IL12B: variants seen among roughly 807,000 people sequenced by gnomAD.
IL12B encodes the protein interleukin-12 subunit beta.
A neutral mutation model predicts 39.2 loss-of-function variants in IL12B; 27 were observed. The observed-to-expected ratio is 0.69, with a 90% CI of 0.51 to 0.95. The LOEUF (loss-of-function observed/expected upper bound fraction) is 0.95. Among genes scored for constraint, IL12B ranks in the 40% least tolerant of loss-of-function variants. IL12B has a pLI of 0.00. For missense variants in IL12B, 351 were observed against 397.6 expected (o/e 0.88, Z 1.00); for synonymous variants, 142 against 152.1 (o/e 0.93, Z 0.49).
chr5:159,323,901 T>TGA, intron 2 of IL12B, among the ~76,000 whole-genome samples: 1 of 94,904 alleles, frequency 1.1e-5, no homozygotes, highest in East Asian at 3.6e-4. Flanking sequence ...GAGGATTAAA[T>TGA]GAAAAAAAAA....
At chr5:159,326,559 T>A (rs1754192994) in intron 2 of IL12B, 136 bp downstream of exon 2, 10 of 671,076 alleles carry the variant, frequency 1.5e-5, no homozygotes, top group Admixed American at 1.3e-4. Context: ...TGGCATTGCA[T>A]TTTCCCAGAG....
chr5:159,318,816 G>A lies in IL12B; in HGVS notation c.775C>T (p.Pro259Ser), dbSNP rs1754033130. 6.2e-7 allele frequency: 1 copy of A among 1,612,978 alleles called. No individual in the cohort carries two copies. Among genetic ancestry groups the A allele is most frequent in the African/African-American group, 1.3e-5 (1 of 75,012 alleles). ...GAATGTGGAGTACTCCAGGTGTCAG[G>A]GTACTCCCAGCTGACCTCCACCTGC... ...SRQVEVSWEY[P>S]DTWSTPHSYF... The change falls in exon 6 of 8, where the codon CCT (proline) becomes TCT (serine). Residue 259 changes from proline (P) to serine (S), a missense_variant. By Grantham distance (74) the Pro-to-Ser change is moderately conservative. Transcript: ENST00000231228.
chr5:159,318,084 T>C (rs893886805), intron 6 of IL12B: 1 of 154,568 alleles, frequency 6.5e-6, no homozygotes, highest in African/African-American at 2.4e-5. Context: ...AATGAGCACG[T>C]AGTGAGGGCA....
At chr5:159,322,592 A>G (rs1418761962) in intron 3 of IL12B, 81 bp from the exon 4 acceptor site, 4 of 902,456 alleles carry the variant, frequency 4.4e-6, no homozygotes, top group Admixed American at 1.7e-5. Flanking sequence ...ACAGATCACC[A>G]GATGGTACAG....
chr5:159,323,506 T>C (rs1562113786), intron 2 of IL12B, among the ~76,000 whole-genome samples, 177 bp from the exon 3 acceptor site: 1 of 152,194 alleles, frequency 6.6e-6, no homozygotes, highest in Non-Finnish European at 1.5e-5. Context: ...CTCAAGGTCA[T>C]GGAAAAGAGA....
intron 1 of IL12B, among the ~76,000 whole-genome samples, chr5:159,328,351 G>T (rs959012570): frequency 3.9e-5 from 6 of 152,190 alleles, no homozygotes; most frequent in Middle Eastern, 3.4e-3. Context: ...ACACAGGCTT[G>T]AATTTTGGTC....
At chr5:159,320,576 T>C (rs1754070535) in intron 4 of IL12B, 56 bp from the exon 5 acceptor site, 1 of 1,444,310 alleles carries the variant, frequency 6.9e-7, no homozygotes, top group Non-Finnish European at 9.7e-7. Context: ...GAGTTCCTAG[T>C]GATTGTAGCC....
chr5:159,323,294 G>C lies in IL12B; in HGVS notation c.124C>G (p.Pro42Ala), dbSNP rs1754132622. Residue 42 changes from proline to alanine, a missense_variant, in exon 3 of 8, where the codon CCT becomes GCT. Coordinates refer to ENST00000231228, the MANE Select transcript of IL12B (RefSeq NM_002187.3). ...VVELDWYPDA[P>A]GEMVVLTCDT... ...CAGGTGAGGACCACCATTTCTCCAG[G>C]GGCATCCGGATACCAATCCAATTCT... is the stretch of plus-strand genomic sequence containing the variant. The C allele has an allele frequency of 6.2e-7, 1 of 1,614,036 alleles. No homozygotes were observed. Among genetic ancestry groups the C allele is most frequent in the Non-Finnish European group, 8.5e-7 (1 of 1,179,972 alleles).
intron 4 of IL12B, among the ~76,000 whole-genome samples, chr5:159,321,362 T>C (rs918387430): frequency 1.5e-5 from 2 of 132,850 alleles, no homozygotes; most frequent in South Asian, 5.2e-4. Flanking sequence ...TATATATATA[T>C]ATATACACAC....
In IL12B at chr5:159,328,843, C is replaced by T. The variant is rs532646358; in HGVS notation, c.-1+1589G>A. ...CCGGCCATGGTTCTAAGAAGCAACT[C>T]CCATTTTAGTATCACCTACATTTGA... On this transcript the variant is annotated intron_variant, in intron 1 of 7. Coordinates refer to ENST00000231228, the MANE Select transcript of IL12B (RefSeq NM_002187.3). Among the ~76,000 whole-genome samples, 11 of 152,294 alleles carry T rather than the reference C, an allele frequency of 7.2e-5. No homozygotes were observed. The East Asian group carries it at 1.5e-3, about 21-fold the overall frequency.
Position 159,319,000 on chromosome 5 carries a change from A to G in IL12B, c.698-107T>C, listed in dbSNP as rs561010709. 614 of 953,944 alleles carry G rather than the reference A, an allele frequency of 6.4e-4. 7 individuals carry two copies. In the South Asian group the frequency reaches 8.1e-3, roughly 13 times the overall value. 59.1% of individuals were successfully genotyped at this position (953,944 alleles called of 1,614,324 possible). On this transcript the variant is annotated intron_variant, in intron 5 of 7. Transcript: ENST00000231228. ...CTTTGATCAGCTGTGAGTCCACTGG[A>G]TAGTTACTTAACTTCTGTGAGCACC... is the stretch of plus-strand genomic sequence containing the variant.
chr5:159,315,072 C>G lies in IL12B; in HGVS notation c.*1029G>C, dbSNP rs1753966008. 1 of 152,352 alleles carries G rather than the reference C, an allele frequency of 6.6e-6. No individual in the cohort carries two copies. The highest frequency in any genetic ancestry group is 1.5e-5 in the Non-Finnish European group (1 of 68,052). The allele number at this position is 152,352 out of a possible 1,614,324, so 9.4% of individuals were successfully genotyped here. ...CCTTAGCCATAACTACTTGTCCTCTCTCTTGAATCTTAAGATCTTTTTGCC... is the reference window on the plus strand; with the variant it reads ...CCTTAGCCATAACTACTTGTCCTCTGTCTTGAATCTTAAGATCTTTTTGCC... On this transcript the variant is annotated 3_prime_UTR_variant, in exon 8 of 8. Coordinates refer to ENST00000231228, the MANE Select transcript of IL12B (RefSeq NM_002187.3).
intron 6 of IL12B, among the ~76,000 whole-genome samples, chr5:159,317,686 T>A (rs577677850): frequency 6.6e-6 from 1 of 152,350 alleles, no homozygotes; most frequent in Admixed American, 6.5e-5. Flanking sequence ...TTAGCCTCTA[T>A]AAGTGTAGAC....
chr5:159,320,882 A>G (rs548174801), intron 4 of IL12B, among the ~76,000 whole-genome samples: 1 of 152,360 alleles, frequency 6.6e-6, no homozygotes, highest in East Asian at 1.9e-4. Flanking sequence ...AAAGATCCAT[A>G]TAAAGGAAAG....
Position 159,326,553 on chromosome 5 carries a change from A to T in IL12B, c.88+142T>A, listed in dbSNP as rs1237475177. 7 of 657,942 alleles carry T rather than the reference A, an allele frequency of 1.1e-5. No individual in the cohort carries two copies. The African/African-American group carries it at 1.1e-4, about 10-fold the overall frequency. The allele number at this position is 657,942 out of a possible 1,614,324, so 40.8% of individuals were successfully genotyped here. A position where few individuals can be genotyped will look rare whatever the true frequency, so the allele number is the denominator to read the frequency against. ...TCAAAGTAGAAAAGAGAGATATGGC[A>T]TTGCATTTTCCCAGAGTGATGGCTT... On this transcript the variant is annotated intron_variant, in intron 2 of 7. Coordinates refer to ENST00000231228, the MANE Select transcript of IL12B (RefSeq NM_002187.3).
chr5:159,329,653 C>A (rs1187185718), intron 1 of IL12B, among the ~76,000 whole-genome samples: 1 of 151,938 alleles, frequency 6.6e-6, no homozygotes, highest in Admixed American at 6.6e-5. Flanking sequence ...CATACAATTT[C>A]AGATTCCAGT....
chr5:159,323,352 A>T (rs1397834710), intron 2 of IL12B, 23 bp from the exon 3 acceptor site: 1 of 1,611,782 alleles, frequency 6.2e-7, no homozygotes, highest in Non-Finnish European at 8.5e-7. Context: ...TAAAGTGGAG[A>T]ACCAGGCTGT....
chr5:159,318,762 C>T lies in IL12B; in HGVS notation c.829G>A (p.Val277Ile), dbSNP rs372475701. Reference protein sequence around the residue: ...SYFSLTFCVQVQGKSKREKKD... With the variant: ...SYFSLTFCVQIQGKSKREKKD... ...TTTTCTCTCTTGCTCTTGCCCTGGA[C>T]CTGAACGCAGAATGTCAGGGAGAAG... is the stretch of plus-strand genomic sequence containing the variant. Residue 277 changes from valine to isoleucine, a missense_variant, in exon 6 of 8, where the codon GTC becomes ATC. Coordinates refer to ENST00000231228, the MANE Select transcript of IL12B (RefSeq NM_002187.3). 4.3e-6 allele frequency: 7 copies of T among 1,614,050 alleles called. No homozygotes were observed. The African/African-American group carries it at 8.0e-5, about 18-fold the overall frequency.
In IL12B at chr5:159,316,677, C is replaced by A; in HGVS notation, c.*8G>T. 1.2e-6 allele frequency: 2 copies of A among 1,610,884 alleles called. No homozygotes were observed. The highest frequency in any genetic ancestry group is 1.7e-6 in the Non-Finnish European group (2 of 1,178,756). ...CAGGCCTGGGCTGGCCTTTGAGGGC[C>A]TGCTCACCTAACTGCAGGGCACAGA... On this transcript the variant is annotated splice_region_variant and intron_variant, in intron 7 of 7. Coordinates refer to ENST00000231228, the MANE Select transcript of IL12B (RefSeq NM_002187.3).
Sources: allele counts gnomAD v4.1 joint callset (sites outside exome capture counted in the v4.1 genomes callset), GRCh38; gene constraint gnomAD v4.1.1; transcripts MANE v1.5; gene names NCBI Gene and HGNC (gene_info 2026-07-23, HGNC 2026-07-21).